The following PPP1R1C variants were observed in gnomAD, a reference collection of about 807,000 sequenced individuals.
The protein encoded by PPP1R1C is protein phosphatase 1 regulatory inhibitor subunit 1C, also known as protein phosphatase 1 regulatory subunit 1C.
Under a neutral mutation model 17.4 loss-of-function variants are expected in PPP1R1C, and 15 were observed. The ratio of observed to expected loss-of-function variants is 0.86; its 90% CI spans 0.58 to 1.33. The LOEUF (loss-of-function observed/expected upper bound fraction) is 1.33, where lower values mean the gene tolerates loss of function less well. Ranked by LOEUF, PPP1R1C falls within the 40% of genes most tolerant of loss-of-function variation. PPP1R1C has a pLI of 0.00. For missense variants in PPP1R1C, 143 were observed against 130.0 expected (o/e 1.10, Z -0.48); for synonymous variants, 35 against 43.1 (o/e 0.81, Z 0.73).
chr2:182,000,799 C>G (rs532654675), intron 2 of PPP1R1C, among the ~76,000 whole-genome samples: 21 of 152,216 alleles, frequency 1.4e-4, no homozygotes, highest in South Asian at 4.1e-4. Context: ...TTGCTCCAAT[C>G]GATTGCTCAA....
chr2:182,105,061 TA>T (rs200042895), intron 4 of PPP1R1C, among the ~76,000 whole-genome samples: 31 of 150,952 alleles, frequency 2.1e-4, no homozygotes, highest in African/African-American at 6.8e-4. Context: ...AGAGATATTG[TA>T]AAAAAAAATG....
chr2:182,057,838 G>A lies in PPP1R1C; in HGVS notation c.143-3604G>A, dbSNP rs2368293. Among the ~76,000 whole-genome samples the A allele has an allele frequency of 4.2e-3, 639 of 151,950 alleles. 20 individuals carry two copies. Among genetic ancestry groups the A allele is most frequent in the Admixed American group, 0.036 (549 of 15,218 alleles). ...CTCTCTGTTGCTCTTCAAAATACAC[G>A]CAGAATTCTGACAGTAAGAACAAAA... On this transcript the variant is annotated intron_variant, in intron 2 of 4. Transcript: ENST00000682840.
intron 4 of PPP1R1C, among the ~76,000 whole-genome samples, chr2:182,101,935 G>T (rs548384470): frequency 1.3e-5 from 2 of 152,074 alleles, no homozygotes; most frequent in Non-Finnish European, 2.9e-5. Flanking sequence ...CTATATGAAG[G>T]CCTCCCTAGT....
At chr2:182,015,078 G>C (rs532588482) in intron 2 of PPP1R1C, among the ~76,000 whole-genome samples, 9 of 152,256 alleles carry the variant, frequency 5.9e-5, no homozygotes, top group African/African-American at 2.2e-4. Context: ...GCAAGACAAA[G>C]TCCCCTTTAG....
chr2:182,045,236 T>C (rs987596203), intron 2 of PPP1R1C, among the ~76,000 whole-genome samples: 2 of 152,216 alleles, frequency 1.3e-5, no homozygotes, highest in African/African-American at 4.8e-5. Flanking sequence ...ATTACACAGG[T>C]ATTTAATCCT....
chr2:181,975,501 CTGTTT>C (rs1685080100), intron 2 of PPP1R1C, among the ~76,000 whole-genome samples: 1 of 151,858 alleles, frequency 6.6e-6, no homozygotes, highest in Non-Finnish European at 1.5e-5. Context: ...TTCATTTATT[CTGTTT>C]TAACTATGTA....
chr2:182,065,363 G>A (rs886125280), intron 4 of PPP1R1C, among the ~76,000 whole-genome samples: 3 of 152,040 alleles, frequency 2.0e-5, no homozygotes, highest in African/African-American at 7.2e-5. Flanking sequence ...CTGTCCCTAA[G>A]AGCTAGAAAT....
At position 181,961,263 on chromosome 2, in the gene PPP1R1C, T is replaced by A; in HGVS notation, n.111+6629T>A. 2 of 765,754 alleles carry A rather than the reference T, an allele frequency of 2.6e-6. No homozygotes were observed. Among genetic ancestry groups the A allele is most frequent in the Non-Finnish European group, 4.6e-6 (2 of 433,752 alleles). 47.4% of individuals were successfully genotyped at this position (765,754 alleles called of 1,614,324 possible). ...GACACCACTTTGCGGCGGGTGGTGG[T>A]CTTTGGATGGTTTGCATGGAGTTGC... On this transcript the variant is annotated intron_variant and non_coding_transcript_variant, in intron 1 of 5. Transcript: ENST00000464264. This position sits in a 1 kb window ranked among gnomAD's most constrained non-coding sequence, Gnocchi z 5.8.
chr2:182,043,557 C>T (rs1255598467), intron 2 of PPP1R1C, among the ~76,000 whole-genome samples: 11 of 150,752 alleles, frequency 7.3e-5, no homozygotes, highest in East Asian at 3.9e-4. Context: ...CTAAACAGCA[C>T]GCCATGTGTA....
intron 4 of PPP1R1C, among the ~76,000 whole-genome samples, chr2:182,106,546 A>G (rs1689258892): frequency 6.6e-6 from 1 of 152,118 alleles, no homozygotes; most frequent in Admixed American, 6.5e-5. Flanking sequence ...CTGGCTCCCC[A>G]TCCATCTGCT....
downstream of PPP1R1C, among the ~76,000 whole-genome samples, chr2:182,121,745 G>A (rs574738682): frequency 3.1e-4 from 47 of 151,706 alleles, 1 homozygote; most frequent in South Asian, 2.1e-4. Flanking sequence ...CTCATAATCC[G>A]CCCGCCTCAG....
chr2:181,958,704 C>T (rs150506135), intron 1 of PPP1R1C, among the ~76,000 whole-genome samples: 105 of 152,314 alleles, frequency 6.9e-4, no homozygotes, highest in African/African-American at 2.4e-3. Context: ...GTTTTGCTTG[C>T]TTTGTAGCCT....
intron 2 of PPP1R1C, among the ~76,000 whole-genome samples, chr2:182,038,251 C>A (rs1464798908): frequency 1.3e-5 from 2 of 152,048 alleles, no homozygotes; most frequent in East Asian, 1.9e-4. Context: ...GTTGGCCAGG[C>A]TGGTCTTGAA....
chr2:182,108,358 C>A (rs771912150), intron 4 of PPP1R1C, among the ~76,000 whole-genome samples: 2 of 152,048 alleles, frequency 1.3e-5, no homozygotes, highest in Non-Finnish European at 2.9e-5. Flanking sequence ...GACTCCTGGA[C>A]AGTCTTCTTT....
chr2:181,986,196 G>A lies in PPP1R1C; in HGVS notation c.81+5G>A. On this transcript the variant is annotated splice_donor_5th_base_variant and intron_variant, in intron 1 of 4. Coordinates refer to ENST00000682840, the MANE Select transcript of PPP1R1C (RefSeq NM_001080545.3). The stretch of plus-strand genomic sequence containing the variant: ...GCACCTGAAGCAGCAGAGCAGGTAT[G>A]TGAAATTGCATGGAGAACCATTCCT... The A allele has an allele frequency of 6.2e-7, 1 of 1,605,728 alleles. No individual in the cohort carries two copies. The highest frequency in any genetic ancestry group is 8.5e-7 in the Non-Finnish European group (1 of 1,172,296).
chr2:182,107,032 A>G (rs79769981), intron 4 of PPP1R1C, among the ~76,000 whole-genome samples: 4,569 of 152,248 alleles, frequency 0.03, 120 homozygotes, highest in African/African-American at 0.065. Flanking sequence ...CTGTTAAGAC[A>G]CTATTTTCAA....
intron 4 of PPP1R1C, among the ~76,000 whole-genome samples, chr2:182,092,418 T>C (rs566765806): frequency 3.3e-5 from 5 of 152,082 alleles, no homozygotes; most frequent in Admixed American, 6.5e-5. Flanking sequence ...CAGAACCAAA[T>C]CATATCATTC....
intron 4 of PPP1R1C, among the ~76,000 whole-genome samples, chr2:182,107,332 C>T (rs1313743392): frequency 6.6e-6 from 1 of 152,170 alleles, no homozygotes; most frequent in African/African-American, 2.4e-5. Context: ...TATTAGAATG[C>T]TTAAAATTCA....
At chr2:181,997,228 CA>C (rs61015359) in intron 2 of PPP1R1C, among the ~76,000 whole-genome samples, 46,132 of 102,506 alleles carry the variant, frequency 0.45, 7,774 homozygotes, top group African/African-American at 0.56. Context: ...GACTCCGTCT[CA>C]AAAAAAAAAA....
Sources: allele counts gnomAD v4.1 joint callset (sites outside exome capture counted in the v4.1 genomes callset), GRCh38; gene constraint gnomAD v4.1.1; non-coding constraint Gnocchi (gnomAD v3.1); transcripts MANE v1.5; gene names NCBI Gene and HGNC (gene_info 2026-07-23, HGNC 2026-07-21).